Variants in TMEM178B observed in about 807,000 individuals in gnomAD.
TMEM178B encodes the protein transmembrane protein 178B.
TMEM178B carries 5 observed loss-of-function variants against 31.0 expected under a neutral mutation model. The observed-to-expected ratio is 0.16, with a 90% confidence interval of 0.08 to 0.34. TMEM178B has a LOEUF of 0.34. Ranked by LOEUF, TMEM178B falls within the 10% of genes least tolerant of loss-of-function variation. The probability of loss-of-function intolerance (pLI) is 1.00; values close to 1 mark genes in which losing one functional copy is unlikely to be tolerated. For synonymous variants in TMEM178B, 164 were observed against 164.0 expected (o/e 1.00, Z 0.00); for missense variants, 275 against 400.3 (o/e 0.69, Z 2.67).
At chr7:141,375,980 A>G (rs1486080098) in intron 2 of TMEM178B, among the ~76,000 whole-genome samples, 1 of 152,224 alleles carries the variant, frequency 6.6e-6, no homozygotes, top group Non-Finnish European at 1.5e-5. Flanking sequence ...CTAAGGCAAG[A>G]TGACCCTAAG....
chr7:141,204,957 A>C (rs181284411), intron 1 of TMEM178B, among the ~76,000 whole-genome samples: 81 of 152,202 alleles, frequency 5.3e-4, no homozygotes, highest in African/African-American at 1.9e-3. Flanking sequence ...AGTAGCTAAG[A>C]CCACAGGTGT....
intron 2 of TMEM178B, among the ~76,000 whole-genome samples, chr7:141,263,397 C>G (rs975069422): frequency 1.6e-4 from 25 of 152,178 alleles, no homozygotes; most frequent in African/African-American, 6.0e-4. Flanking sequence ...CAGTCTTCCA[C>G]TTGATATTGC....
chr7:141,217,941 G>A (rs1471123149), intron 2 of TMEM178B, among the ~76,000 whole-genome samples: 1 of 152,092 alleles, frequency 6.6e-6, no homozygotes, highest in Non-Finnish European at 1.5e-5. Flanking sequence ...AAACCCAGAG[G>A]TGTTTTTTGA....
chr7:141,174,469 A>G (rs1796396232), intron 1 of TMEM178B, among the ~76,000 whole-genome samples: 1 of 152,202 alleles, frequency 6.6e-6, no homozygotes, highest in South Asian at 2.1e-4. Context: ...TCCTTTGGGT[A>G]TATACCCAGT....
At chr7:141,419,348 C>T (rs149877310) in intron 2 of TMEM178B, among the ~76,000 whole-genome samples, 1 of 152,298 alleles carries the variant, frequency 6.6e-6, no homozygotes, top group Non-Finnish European at 1.5e-5. Flanking sequence ...TCCCCATCAT[C>T]CAAACCAGAA....
chr7:141,270,776 G>A (rs779224540), intron 2 of TMEM178B, among the ~76,000 whole-genome samples: 10 of 152,178 alleles, frequency 6.6e-5, no homozygotes, highest in Admixed American at 2.6e-4. Context: ...TAACGATGTC[G>A]TTATCTCTCT....
intron 2 of TMEM178B, among the ~76,000 whole-genome samples, chr7:141,403,362 T>C (rs1017968741): frequency 6.6e-6 from 1 of 152,188 alleles, no homozygotes; most frequent in African/African-American, 2.4e-5. Context: ...CTAAGGCTGG[T>C]TTATGATTTA....
At chr7:141,347,789 T>C (rs1799645620) in intron 2 of TMEM178B, among the ~76,000 whole-genome samples, 1 of 152,110 alleles carries the variant, frequency 6.6e-6, no homozygotes, top group Admixed American at 6.5e-5. Flanking sequence ...ATTCTGTCTG[T>C]ACCCCACCTC....
chr7:141,356,037 C>T (rs780069674), intron 2 of TMEM178B, among the ~76,000 whole-genome samples: 2 of 152,202 alleles, frequency 1.3e-5, no homozygotes, highest in African/African-American at 2.4e-5. Context: ...CTACAAAGGA[C>T]ATGATTTCAT....
At chr7:141,139,363 AT>A (rs888928809) in intron 1 of TMEM178B, among the ~76,000 whole-genome samples, 3 of 150,962 alleles carry the variant, frequency 2.0e-5, no homozygotes, top group South Asian at 2.1e-4. Context: ...ACTTTAAAAA[AT>A]TTTTTTAGGC....
rs1002014778 is a variant in TMEM178B, at chr7:141,476,954, C to G, written c.*6168C>G. 1.3e-5 allele frequency: 2 copies of G among 154,830 alleles called. No homozygotes were observed. The highest frequency in any genetic ancestry group is 4.8e-5 in the African/African-American group (2 of 41,518). 9.6% of individuals were successfully genotyped at this position (154,830 alleles called of 1,614,324 possible). On this transcript the variant is annotated 3_prime_UTR_variant, in exon 4 of 4. Coordinates refer to ENST00000565468, the MANE Select transcript of TMEM178B (RefSeq NM_001195278.2). ...GTTGCACAGCAGTAGTTCGAAGAAG[C>G]TGGCATCTCTTTGGCAAACACCAAC...
At chr7:141,160,300 C>T (rs998077965) in intron 1 of TMEM178B, among the ~76,000 whole-genome samples, 1 of 152,080 alleles carries the variant, frequency 6.6e-6, no homozygotes, top group Non-Finnish European at 1.5e-5. Context: ...TTCTAACTCA[C>T]CAGCCTCCCA....
At chr7:141,510,377 A>AAC in the TMEM178B span, among the ~76,000 whole-genome samples, 1 of 152,132 alleles carries the variant, frequency 6.6e-6, no homozygotes, top group African/African-American at 2.4e-5. Context: ...TAAAAGGAAG[A>AAC]AGAGATCTAT....
In TMEM178B at chr7:141,171,066, C is replaced by T. The variant is rs1308003234; in HGVS notation, c.383-41525C>T. ...CACACACACACACACACACACACAC[C>T]CTAAATATAAATTAAAATAAATACT... On this transcript the variant is annotated intron_variant, in intron 1 of 3. Coordinates refer to ENST00000565468, the MANE Select transcript of TMEM178B (RefSeq NM_001195278.2). This position sits in a 1 kb window ranked among gnomAD's most constrained non-coding sequence, Gnocchi z 4.3. 7.7e-6 allele frequency among the ~76,000 whole-genome samples: 1 copy of T among 129,576 alleles called. No individual in the cohort carries two copies. The highest frequency in any genetic ancestry group is 2.3e-4 in the East Asian group (1 of 4,276). 85.0% of individuals were successfully genotyped at this position (129,576 alleles called of 152,430 possible).
intron 2 of TMEM178B, among the ~76,000 whole-genome samples, chr7:141,265,912 C>T (rs980394934): frequency 2.0e-5 from 3 of 152,186 alleles, no homozygotes; most frequent in African/African-American, 7.2e-5. Flanking sequence ...TGGGTTTCCC[C>T]AGCTGAAGGC....
intron 1 of TMEM178B, among the ~76,000 whole-genome samples, chr7:141,109,031 T>G (rs1795192612): frequency 6.6e-6 from 1 of 152,104 alleles, no homozygotes; most frequent in Admixed American, 6.6e-5. Context: ...TCAAATCTCA[T>G]GAGACTTATT....
intron 2 of TMEM178B, among the ~76,000 whole-genome samples, chr7:141,367,558 G>A (rs764283764): frequency 3.3e-5 from 5 of 152,114 alleles, no homozygotes; most frequent in South Asian, 2.1e-4. Flanking sequence ...AAGCCACTGC[G>A]CCCAGCTGAC....
chr7:141,299,789 A>G (rs1798693506), intron 2 of TMEM178B, among the ~76,000 whole-genome samples: 1 of 151,590 alleles, frequency 6.6e-6, no homozygotes, highest in Non-Finnish European at 1.5e-5. Flanking sequence ...GACTTCTTTT[A>G]TTTGTTTTAT....
chr7:141,170,589 G>A (rs542615605), intron 1 of TMEM178B, among the ~76,000 whole-genome samples: 15 of 152,294 alleles, frequency 9.8e-5, no homozygotes, highest in Non-Finnish European at 1.8e-4. Context: ...AGCTGTTACC[G>A]ATGGTGTAAC....
Sources: gnomAD v4.1 joint callset for allele counts (sites outside exome capture counted in the v4.1 genomes callset) on GRCh38, gnomAD v4.1.1 for gene constraint, Gnocchi (gnomAD v3.1) non-coding constraint, MANE v1.5 for transcripts, NCBI Gene and HGNC (gene_info 2026-07-23, HGNC 2026-07-21) for gene names.